The following SEC24B variants were observed in gnomAD, a reference collection of about 807,000 sequenced individuals.
SEC24B encodes SEC24 homolog B, COPII component.
A neutral mutation model predicts 142.8 loss-of-function variants in SEC24B; 45 were observed. The observed-to-expected ratio is 0.32, with a 90% CI of 0.25 to 0.40. The LOEUF is 0.40. Among genes scored for constraint, SEC24B ranks in the 10% least tolerant of loss-of-function variants. The pLI is 1.00. For missense variants in SEC24B, 1,409 were observed against 1,526.8 expected, an observed-to-expected ratio of 0.92 and a Z score of 1.29; for synonymous variants, 574 against 568.2, an observed-to-expected ratio of 1.01 and a Z score of -0.15.
At chr4:109,524,128 T>G (rs897120987) in intron 14 of SEC24B, among the ~76,000 whole-genome samples, 1 of 152,294 alleles carries the variant, frequency 6.6e-6, no homozygotes, top group East Asian at 1.9e-4. Flanking sequence ...AGCTTTGTTT[T>G]GATTTGTTTT....
chr4:109,464,424 C>T (rs1244328138), intron 2 of SEC24B, among the ~76,000 whole-genome samples: 2 of 151,966 alleles, frequency 1.3e-5, no homozygotes, highest in African/African-American at 4.8e-5. Flanking sequence ...CTGGGACTAC[C>T]AGGCATACGC....
intron 22 of SEC24B, 135 bp downstream of exon 22, chr4:109,533,820 A>G (rs2126101218): frequency 1.5e-6 from 1 of 651,482 alleles, no homozygotes; most frequent in South Asian, 1.8e-5. Context: ...TACAGCCATT[A>G]CCACTATTTA....
chr4:109,484,825 C>A (rs565186468), intron 4 of SEC24B, among the ~76,000 whole-genome samples: 1 of 144,520 alleles, frequency 6.9e-6, no homozygotes, highest in African/African-American at 2.6e-5. Flanking sequence ...GCCCTGCAGC[C>A]TGGGTGGCAG....
intron 7 of SEC24B, among the ~76,000 whole-genome samples, chr4:109,507,115 C>G (rs1736768214): frequency 6.6e-6 from 1 of 152,078 alleles, no homozygotes; most frequent in Non-Finnish European, 1.5e-5. Context: ...ACTCACTTCA[C>G]AGTGCCTCAT....
At chr4:109,484,658 C>T (rs937614108) in intron 4 of SEC24B, among the ~76,000 whole-genome samples, 1 of 152,068 alleles carries the variant, frequency 6.6e-6, no homozygotes, top group African/African-American at 2.4e-5. Flanking sequence ...TGAGAACAGC[C>T]TGGCCAACAT....
At chr4:109,524,016 T>A (rs1236956849) in intron 14 of SEC24B, among the ~76,000 whole-genome samples, 4 of 152,196 alleles carry the variant, frequency 2.6e-5, no homozygotes, top group Non-Finnish European at 4.4e-5. Context: ...CATCAACAAG[T>A]GTAGCTGGCA....
intron 20 of SEC24B, among the ~76,000 whole-genome samples, chr4:109,531,857 TTTTTTTTA>T (rs1724964990): frequency 6.6e-6 from 1 of 152,052 alleles, no homozygotes; most frequent in African/African-American, 2.4e-5. Context: ...CTTTATTTTC[TTTTTTTTA>T]AATTTTATTT....
intron 4 of SEC24B, among the ~76,000 whole-genome samples, chr4:109,485,436 A>G (rs1197504133): frequency 1.3e-5 from 2 of 152,220 alleles, no homozygotes; most frequent in Admixed American, 1.3e-4. Context: ...GAGAACATAA[A>G]CGGCCAGAGT....
chr4:109,533,044 C>T (rs1353723028), intron 21 of SEC24B, among the ~76,000 whole-genome samples: 1 of 151,988 alleles, frequency 6.6e-6, no homozygotes. Context: ...AGGTAAATTC[C>T]TATATTTAGG....
intron 1 of SEC24B, among the ~76,000 whole-genome samples, chr4:109,456,274 G>T (rs1578788652): frequency 7.1e-6 from 1 of 140,436 alleles, no homozygotes; most frequent in East Asian, 2.2e-4. Context: ...TTTTTTGGAA[G>T]ATTTTTTTGG....
Position 109,494,659 on chromosome 4 carries a change from C to G in SEC24B, c.1291C>G (p.Pro431Ala). 1 of 1,614,084 alleles carries G rather than the reference C, an allele frequency of 6.2e-7. No individual in the cohort carries two copies. The highest frequency in any genetic ancestry group is 1.1e-5 in the South Asian group (1 of 91,082). ...AAGCAGTCCTGCTCCTGATCCCGCC[C>G]CTGAACCTGATCCTGCTTCTGCTCC... The part of the protein sequence containing the change: ...SASSPAPDPA[P>A]EPDPASAPAP... The change falls in exon 6 of 24, where the codon CCT becomes GCT. Residue 431 changes from proline to alanine, a missense_variant. Physicochemically the swap from Pro to Ala is conservative, Grantham distance 27 (BLOSUM62 -1). Around this residue, in one of 2 missense-constraint regions of SEC24B, gnomAD observed 709 missense variants for 673.5 expected, o/e 1.05. Transcript: ENST00000265175.
At chr4:109,483,234 C>T (rs1482851105) in intron 4 of SEC24B, among the ~76,000 whole-genome samples, 3 of 151,012 alleles carry the variant, frequency 2.0e-5, no homozygotes, top group Non-Finnish European at 3.0e-5. Context: ...CACCCGCCAC[C>T]ACGCCTGGCT....
chr4:109,501,363 A>G (rs987347981), intron 6 of SEC24B, among the ~76,000 whole-genome samples: 3 of 152,216 alleles, frequency 2.0e-5, no homozygotes, highest in African/African-American at 7.2e-5. Context: ...CTAACGACAC[A>G]TTTCTCAGAA....
At chr4:109,441,456 G>A (rs1728919222) in intron 1 of SEC24B, among the ~76,000 whole-genome samples, 2 of 152,038 alleles carry the variant, frequency 1.3e-5, no homozygotes, top group Admixed American at 6.6e-5. Flanking sequence ...TTTGAGACAG[G>A]GCCTCACTTT....
chr4:109,494,207 C>G (rs1246413014), intron 5 of SEC24B, among the ~76,000 whole-genome samples: 1 of 151,996 alleles, frequency 6.6e-6, no homozygotes, highest in Non-Finnish European at 1.5e-5. Context: ...GTATGCTCAG[C>G]ACTTTGGTAG....
rs1452590940 is a variant in SEC24B at position 109,531,497 on chromosome 4, A to T, written c.3365A>T (p.Tyr1122Phe). Residue 1122 changes from tyrosine to phenylalanine, a missense_variant, in exon 20 of 24, where the codon TAC (tyrosine) becomes TTC (phenylalanine). By Grantham distance (22) the Tyr-to-Phe change is conservative. Around this residue, in one of 2 missense-constraint regions of SEC24B, gnomAD observed 700 missense variants for 853.3 expected, o/e 0.82. Coordinates refer to ENST00000265175, the MANE Select transcript of SEC24B (RefSeq NM_006323.5). ...ATGAAAATGATTCATCCCAACTTAT[A>T]CAGGATAGACAGATTGACAGATGAG... ...HLMKMIHPNL[Y>F]RIDRLTDEGA... 6.2e-7 allele frequency: 1 copy of T among 1,609,096 alleles called. No homozygotes were observed. Among genetic ancestry groups the T allele is most frequent in the South Asian group, 1.1e-5 (1 of 90,720 alleles).
intron 22 of SEC24B, among the ~76,000 whole-genome samples, chr4:109,535,251 T>C (rs2126104814): frequency 6.6e-6 from 1 of 152,256 alleles, no homozygotes; most frequent in East Asian, 1.9e-4. Context: ...ACTTTAACTT[T>C]GGGTTTAAAT....
intron 1 of SEC24B, among the ~76,000 whole-genome samples, chr4:109,448,517 T>C (rs1335430966): frequency 6.6e-6 from 1 of 152,092 alleles, no homozygotes; most frequent in Admixed American, 6.6e-5. Flanking sequence ...TTTTTTTTTT[T>C]TGAGCCTCCC....
chr4:109,519,881 G>C (rs1443029784), intron 11 of SEC24B, among the ~76,000 whole-genome samples: 1 of 152,186 alleles, frequency 6.6e-6, no homozygotes, highest in Non-Finnish European at 1.5e-5. Flanking sequence ...GTAGTACTTA[G>C]TAATATGCTT....
Sources: allele counts gnomAD v4.1 joint callset (sites outside exome capture counted in the v4.1 genomes callset), GRCh38; gene constraint gnomAD v4.1.1; regional missense constraint gnomAD v4.1.1; transcripts MANE v1.5; gene names NCBI Gene and HGNC (gene_info 2026-07-23, HGNC 2026-07-21).